NKAIN3: variants seen among roughly 807,000 people sequenced by gnomAD.
The protein encoded by NKAIN3 is sodium/potassium transporting ATPase interacting 3, also known as sodium/potassium-transporting ATPase subunit beta-1-interacting protein 3.
In NKAIN3, 25 loss-of-function variants were observed where a neutral mutation model predicts 30.2. That is an observed-to-expected ratio of 0.83 (90% CI 0.60 to 1.16). The LOEUF (loss-of-function observed/expected upper bound fraction) is 1.16. NKAIN3 is among the 50% of genes most tolerant of loss of function. The pLI is 0.00. For missense variants in NKAIN3, 225 were observed against 254.1 expected, an observed-to-expected ratio of 0.89 and a Z score of 0.78; for synonymous variants, 91 against 89.6, an observed-to-expected ratio of 1.02 and a Z score of -0.09.
At chr8:62,994,365 C>T (rs1235116417) in intron 5 of NKAIN3, among the ~76,000 whole-genome samples, 1 of 152,056 alleles carries the variant, frequency 6.6e-6, no homozygotes, top group Non-Finnish European at 1.5e-5. Flanking sequence ...GTGCAGTATG[C>T]CACCATGTTC....
At chr8:62,424,357 G>A (rs1196010850) in intron 1 of NKAIN3, among the ~76,000 whole-genome samples, 1 of 151,684 alleles carries the variant, frequency 6.6e-6, no homozygotes, top group Non-Finnish European at 1.5e-5. Flanking sequence ...GAGTAAAAAG[G>A]AAACCTACAC....
chr8:62,902,977 C>T (rs1261310705), intron 4 of NKAIN3, among the ~76,000 whole-genome samples: 1 of 152,178 alleles, frequency 6.6e-6, no homozygotes, highest in Non-Finnish European at 1.5e-5. Flanking sequence ...TATTGCTGAG[C>T]TGGTGTGTGC....
intron 1 of NKAIN3, among the ~76,000 whole-genome samples, chr8:62,460,103 C>A (rs763359965): frequency 2.6e-5 from 4 of 152,044 alleles, no homozygotes; most frequent in Non-Finnish European, 5.9e-5. Context: ...AAAATTCTCT[C>A]CTCCATCAAA....
chr8:62,726,675 T>C (rs538108865), intron 3 of NKAIN3, among the ~76,000 whole-genome samples: 225 of 152,164 alleles, frequency 1.5e-3, no homozygotes, highest in African/African-American at 5.1e-3. Flanking sequence ...ATATTTATAA[T>C]CCCATGTTTA....
At chr8:62,738,756 T>C (rs1815762210) in intron 3 of NKAIN3, among the ~76,000 whole-genome samples, 1 of 152,242 alleles carries the variant, frequency 6.6e-6, no homozygotes, top group East Asian at 1.9e-4. Context: ...ATTGCAAAAA[T>C]TTTCTCCCAT....
At chr8:62,911,124 T>C (rs1483404959) in intron 4 of NKAIN3, among the ~76,000 whole-genome samples, 3 of 152,124 alleles carry the variant, frequency 2.0e-5, no homozygotes, top group African/African-American at 7.2e-5. Context: ...TTTAAGTCAA[T>C]ATAAAGGTGT....
intron 3 of NKAIN3, among the ~76,000 whole-genome samples, chr8:62,643,379 T>C (rs920966044): frequency 6.6e-6 from 1 of 152,104 alleles, no homozygotes; most frequent in Non-Finnish European, 1.5e-5. Flanking sequence ...TGGCAACATA[T>C]AAGTCTCCAA....
In NKAIN3 at chr8:62,359,349, C is replaced by G. The variant is rs144115522; in HGVS notation, c.54+110222C>G. On this transcript the variant is annotated intron_variant, in intron 1 of 6. Coordinates refer to ENST00000623646, the MANE Select transcript of NKAIN3 (RefSeq NM_001304533.3). ...GACACAGTTACAGACAGATGGAGAT[C>G]AAAATATTCCTTTTGTTAACTGATA... Among the ~76,000 whole-genome samples the G allele has an allele frequency of 1.7e-3, 265 of 152,272 alleles. 2 individuals carry two copies. The highest frequency in any genetic ancestry group is 0.01 in the Middle Eastern group (3 of 294).
chr8:62,544,305 G>C (rs1197200831), intron 1 of NKAIN3, among the ~76,000 whole-genome samples: 1 of 152,018 alleles, frequency 6.6e-6, no homozygotes, highest in Non-Finnish European at 1.5e-5. Context: ...ATCCAGACTT[G>C]TGTATTTTTT....
At position 62,294,983 on chromosome 8, in the gene NKAIN3, G is replaced by T. The variant is rs74769856; in HGVS notation, c.54+45856G>T. On this transcript the variant is annotated intron_variant, in intron 1 of 6. Coordinates refer to ENST00000623646, the MANE Select transcript of NKAIN3 (RefSeq NM_001304533.3). ...TATTCTGGGGCATGTTCCAGTGTTT[G>T]TGTCATGTTGTTGGGGTAACCTTTT... Among the ~76,000 whole-genome samples, 1,007 of 152,240 alleles carry T rather than the reference G, an allele frequency of 6.6e-3. 6 individuals are homozygous for T. The highest frequency in any genetic ancestry group is 0.023 in the African/African-American group (955 of 41,546).
chr8:62,659,373 G>C (rs1296230790), intron 3 of NKAIN3, among the ~76,000 whole-genome samples: 1 of 152,218 alleles, frequency 6.6e-6, no homozygotes, highest in African/African-American at 2.4e-5. Flanking sequence ...TTCTATATCA[G>C]GGTTATTATA....
chr8:62,329,990 C>T lies in NKAIN3; in HGVS notation c.54+80863C>T, dbSNP rs533727945. ...ACCACTAAACCAAGGGTAGATACCA[C>T]GACAGCACCTAGATGCAGCACCTAT... On this transcript the variant is annotated intron_variant, in intron 1 of 6. Coordinates refer to ENST00000623646, the MANE Select transcript of NKAIN3 (RefSeq NM_001304533.3). Among the ~76,000 whole-genome samples the T allele has an allele frequency of 2.4e-4, 37 of 152,074 alleles. No individual in the cohort carries two copies. The Middle Eastern group carries it at 0.01, about 42-fold the overall frequency.
intron 3 of NKAIN3, among the ~76,000 whole-genome samples, chr8:62,739,804 A>G (rs1318324272): frequency 1.3e-5 from 2 of 152,176 alleles, no homozygotes; most frequent in South Asian, 4.1e-4. Flanking sequence ...TAAAGATAAG[A>G]AAGAGGAGAT....
chr8:62,863,271 T>C lies in NKAIN3; in HGVS notation c.472-55182T>C, dbSNP rs187863140. On this transcript the variant is annotated intron_variant, in intron 4 of 6. Coordinates refer to ENST00000623646, the MANE Select transcript of NKAIN3 (RefSeq NM_001304533.3). ...TCTTTTTGTTTTTAGATATTTTTCCTATAGGTTTCTGCTGTGGAGCCGTAC... is the reference window on the plus strand; with the variant it reads ...TCTTTTTGTTTTTAGATATTTTTCCCATAGGTTTCTGCTGTGGAGCCGTAC... The C allele has an allele frequency of 2.2e-5, 35 of 1,555,832 alleles. No homozygotes were observed. In the East Asian group the frequency reaches 7.4e-4, roughly 33 times the overall value.
intron 3 of NKAIN3, among the ~76,000 whole-genome samples, chr8:62,741,373 A>C (rs367998446): frequency 0.26 from 33,410 of 126,898 alleles, 4,843 homozygotes; most frequent in Admixed American, 0.37. Flanking sequence ...GAAGGAAGGA[A>C]GGAAGGAAGG....
intron 3 of NKAIN3, among the ~76,000 whole-genome samples, chr8:62,603,323 A>G (rs1171492818): frequency 4.6e-5 from 7 of 152,140 alleles, no homozygotes; most frequent in Admixed American, 4.6e-4. Context: ...AGTTTTTAAA[A>G]CCAGAATAGC....
intron 1 of NKAIN3, among the ~76,000 whole-genome samples, chr8:62,421,719 A>G (rs1176248785): frequency 1.3e-5 from 2 of 151,982 alleles, no homozygotes; most frequent in East Asian, 3.9e-4. Flanking sequence ...CTCCCCATTT[A>G]GAAGCAAATG....
At chr8:62,850,537 A>T (rs565222272) in intron 4 of NKAIN3, among the ~76,000 whole-genome samples, 31 of 152,230 alleles carry the variant, frequency 2.0e-4, no homozygotes, top group African/African-American at 7.5e-4. Context: ...GCCCATGCCT[A>T]TGTCCTGAAT....
intron 3 of NKAIN3, among the ~76,000 whole-genome samples, chr8:62,740,644 G>GTT (rs3032914): frequency 0.58 from 87,922 of 151,476 alleles, 27,669 homozygotes; most frequent in Non-Finnish European, 0.72. Flanking sequence ...AGTGAATATT[G>GTT]TTTTTTTTAG....
Sources: allele counts gnomAD v4.1 joint callset (sites outside exome capture counted in the v4.1 genomes callset), GRCh38; gene constraint gnomAD v4.1.1; transcripts MANE v1.5; gene names NCBI Gene and HGNC (gene_info 2026-07-23, HGNC 2026-07-21).